HLA-DPA1: variants seen among roughly 807,000 people sequenced by gnomAD.
HLA-DPA1 encodes HLA class II histocompatibility antigen, DP alpha 1 chain.
HLA-DPA1 carries 20 observed loss-of-function variants against 21.5 expected under a neutral mutation model. The ratio of observed to expected loss-of-function variants is 0.93; its 90% CI spans 0.66 to 1.35. HLA-DPA1 has a LOEUF of 1.35. Ranked by LOEUF, HLA-DPA1 falls within the 40% of genes most tolerant of loss-of-function variation. The pLI is 0.00. For missense variants in HLA-DPA1, 279 were observed against 323.0 expected, an observed-to-expected ratio of 0.86 and a Z score of 1.05; for synonymous variants, 123 against 129.6, an observed-to-expected ratio of 0.95 and a Z score of 0.35.
At chr6:33,068,089 T>C (rs1005529388) in intron 5 of HLA-DPA1, 3 of 152,254 alleles carry the variant, frequency 2.0e-5, no homozygotes, top group African/African-American at 7.2e-5. Context: ...GGAGGGGCAT[T>C]TTTTGTGTGA....
intron 1 of HLA-DPA1, among the ~76,000 whole-genome samples, chr6:33,079,218 T>TC (rs1412052166): frequency 6.6e-6 from 1 of 152,122 alleles, no homozygotes; most frequent in Admixed American, 6.5e-5. Context: ...CACCTTAATT[T>TC]CCCCAGTGTG....
At chr6:33,067,245 C>T (rs1023386318) in intron 5 of HLA-DPA1, 1 of 152,056 alleles carries the variant, frequency 6.6e-6, no homozygotes, top group Non-Finnish European at 1.5e-5. Flanking sequence ...AAATTGATCC[C>T]CAGTGTTGCA....
chr6:33,077,003 T>G (rs1273143497), intron 1 of HLA-DPA1, among the ~76,000 whole-genome samples: 1 of 151,918 alleles, frequency 6.6e-6, no homozygotes, highest in Non-Finnish European at 1.5e-5. Flanking sequence ...ATGTGCCATG[T>G]TGGTGTGCTG....
chr6:33,065,281 T>C (rs3211475), exon 6 of HLA-DPA1: 43,898 of 152,038 alleles, frequency 0.29, 8,355 homozygotes, highest in East Asian at 0.69. Context: ...AAAGCTGAGA[T>C]GGAGTTTGTA....
At chr6:33,070,399 A>G (rs939992778) in intron 2 of HLA-DPA1, among the ~76,000 whole-genome samples, 1 of 152,182 alleles carries the variant, frequency 6.6e-6, no homozygotes, top group African/African-American at 2.4e-5. Flanking sequence ...TCTCCCATTA[A>G]GATCTTAATT....
intron 2 of HLA-DPA1, among the ~76,000 whole-genome samples, chr6:33,071,157 G>C (rs1173056153): frequency 1.4e-5 from 2 of 147,152 alleles, no homozygotes; most frequent in African/African-American, 2.6e-5. Context: ...AGTGACAGGA[G>C]AATGACTCCT....
intron 1 of HLA-DPA1, chr6:33,079,906 G>T (rs1324519852): frequency 4.0e-6 from 1 of 251,428 alleles, no homozygotes; most frequent in African/African-American, 2.3e-5. Flanking sequence ...CATAAAAACT[G>T]CCAAAAAAAA....
Position 33,068,695 on chromosome 6 carries a change from C to G in HLA-DPA1, c.738G>C (p.Lys246Asn), listed in dbSNP as rs776776442. ...GGGGGTCATGGCCAGAACGCAGAGA[C>G]TTTATGATGAGGACGGTGCCCACGA... Residue 246 changes from lysine (K) to asparagine (N), a missense_variant, in exon 5 of 6, where the codon AAG becomes AAC. By Grantham distance (94) the Lys-to-Asn change is moderately conservative (BLOSUM62 0). Transcript: ENST00000419277. 1.1e-5 allele frequency: 18 copies of G among 1,612,920 alleles called. No homozygotes were observed. In the African/African-American group the frequency reaches 2.1e-4, roughly 19 times the overall value.
At chr6:33,069,023 G>A (rs1762110522) in exon 4 of HLA-DPA1, 2 of 1,612,792 alleles carry the variant, frequency 1.2e-6, no homozygotes, top group Non-Finnish European at 8.5e-7. Flanking sequence ...GCATACCCCA[G>A]TGCTTGAGGA....
intron 2 of HLA-DPA1, among the ~76,000 whole-genome samples, chr6:33,072,897 C>A (rs947563888): frequency 1.3e-5 from 2 of 152,166 alleles, no homozygotes; most frequent in Non-Finnish European, 2.9e-5. Context: ...TTGTGACCAC[C>A]CACAAAGACC....
chr6:33,075,966 A>G, intron 1 of HLA-DPA1: 1 of 1,113,272 alleles, frequency 9.0e-7, no homozygotes, highest in Non-Finnish European at 1.3e-6. Flanking sequence ...CTAATATTTC[A>G]AACAGGAGCT....
At chr6:33,068,382 G>C in intron 5 of HLA-DPA1, 1 of 401,132 alleles carries the variant, frequency 2.5e-6, no homozygotes, top group Non-Finnish European at 4.4e-6. Flanking sequence ...AAAGATGTAA[G>C]TATCTCTCAT....
intron 1 of HLA-DPA1, chr6:33,075,979 C>A: frequency 1.6e-6 from 2 of 1,261,924 alleles, no homozygotes; most frequent in South Asian, 1.3e-5. Context: ...CAGGAGCTCC[C>A]TTTAGCGAGT....
intron 2 of HLA-DPA1, among the ~76,000 whole-genome samples, chr6:33,070,198 A>T (rs1411800067): frequency 6.6e-6 from 1 of 152,150 alleles, no homozygotes; most frequent in Admixed American, 6.5e-5. Flanking sequence ...GACAGCTAAC[A>T]TTTGTTGAGC....
At chr6:33,078,641 G>A (rs1762679061) in intron 1 of HLA-DPA1, among the ~76,000 whole-genome samples, 1 of 151,912 alleles carries the variant, frequency 6.6e-6, no homozygotes, top group South Asian at 2.1e-4. Context: ...AAAAATGAAG[G>A]TTTCAAATTA....
chr6:33,068,565 C>A, intron 5 of HLA-DPA1, 73 bp downstream of exon 4: 1 of 1,226,862 alleles, frequency 8.2e-7, no homozygotes, highest in Non-Finnish European at 1.2e-6. Flanking sequence ...GATCAATGAA[C>A]ACTTATCAGA....
At chr6:33,078,885 T>C (rs2567279) in intron 1 of HLA-DPA1, among the ~76,000 whole-genome samples, 41,526 of 152,024 alleles carry the variant, frequency 0.27, 5,999 homozygotes, top group Admixed American at 0.38. Context: ...AGTGGGGCAA[T>C]TGAACAGGCA....
chr6:33,066,376 G>A (rs1436662400), intron 5 of HLA-DPA1: 1 of 152,084 alleles, frequency 6.6e-6, no homozygotes, highest in Non-Finnish European at 1.5e-5. Flanking sequence ...TAGTAGTTGT[G>A]GGAACACACT....
At chr6:33,071,982 G>A (rs1762304394) in intron 2 of HLA-DPA1, among the ~76,000 whole-genome samples, 1 of 152,074 alleles carries the variant, frequency 6.6e-6, no homozygotes, top group Non-Finnish European at 1.5e-5. Flanking sequence ...GGCAGGTGCA[G>A]GTTAAATAAG....
Sources: gnomAD v4.1 joint callset for allele counts (sites outside exome capture counted in the v4.1 genomes callset) on GRCh38, gnomAD v4.1.1 for gene constraint, MANE v1.5 for transcripts, NCBI Gene and HGNC (gene_info 2026-07-23, HGNC 2026-07-21) for gene names.